Variants in SS18L1 observed in about 807,000 individuals in gnomAD.
SS18L1 encodes the protein calcium-responsive transactivator.
In SS18L1, 32 loss-of-function variants were observed where a neutral mutation model predicts 70.3. The observed-to-expected ratio is 0.46, with a 90% confidence interval of 0.34 to 0.61. The LOEUF (loss-of-function observed/expected upper bound fraction) is 0.61. Ranked by LOEUF, SS18L1 falls within the 20% of genes least tolerant of loss-of-function variation. The pLI is 0.01. For synonymous variants in SS18L1, 237 were observed against 229.7 expected (o/e 1.03, Z -0.29); for missense variants, 430 against 542.1 (o/e 0.79, Z 2.05).
intron 1 of SS18L1, chr20:62,154,570 T>TACCAA: frequency 3.0e-6 from 3 of 999,826 alleles, no homozygotes; most frequent in Non-Finnish European, 3.6e-6. Flanking sequence ...TCCCTTGGTA[T>TACCAA]GGGACACAGC....
Position 62,161,467 on chromosome 20 carries a change from G to T in SS18L1, c.263G>T (p.Gly88Val), listed in dbSNP as rs1401973388. 1.2e-6 allele frequency: 2 copies of T among 1,612,730 alleles called. No individual in the cohort carries two copies. The highest frequency in any genetic ancestry group is 2.7e-5 in the African/African-American group (2 of 74,896). ...ACGCAGAACATGAACCTGGGCCCTG[G>T]AGCCCTGACTCAGAGCGGCTCCAGC... ...PPTQNMNLGP[G>V]ALTQSGSSQG... Residue 88 changes from glycine to valine, a missense_variant, in exon 4 of 11, where the codon GGA (glycine) becomes GTA (valine). Physicochemically the swap from Gly to Val is moderately radical, Grantham distance 109. Transcript: ENST00000331758. The surrounding 1 kb of genome is among the most constrained non-coding windows in gnomAD (Gnocchi z 4.4).
Position 62,161,671 on chromosome 20 carries a change from C to T in SS18L1, c.376+91C>T. 1 of 1,493,766 alleles carries T rather than the reference C, an allele frequency of 6.7e-7. No individual in the cohort carries two copies. The highest frequency in any genetic ancestry group is 9.0e-7 in the Non-Finnish European group (1 of 1,112,712). 92.5% of individuals were successfully genotyped at this position (1,493,766 alleles called of 1,614,324 possible). On this transcript the variant is annotated intron_variant, in intron 4 of 10. Coordinates refer to ENST00000331758, the MANE Select transcript of SS18L1 (RefSeq NM_198935.3). This position sits in a 1 kb window ranked among gnomAD's most constrained non-coding sequence, Gnocchi z 4.4. ...GGCTGCCATGGTGGGGCACCCCACCCCTCACAGGGCTGGGCATGGGACCCA... is the reference window on the plus strand; with the variant it reads ...GGCTGCCATGGTGGGGCACCCCACCTCTCACAGGGCTGGGCATGGGACCCA...
intron 8 of SS18L1, among the ~76,000 whole-genome samples, 187 bp from the exon 9 acceptor site, chr20:62,172,481 ATTTCGTTTCTTAGC>A (rs11275624): frequency 0.013 from 1,949 of 152,306 alleles, 42 homozygotes; most frequent in African/African-American, 0.045. Flanking sequence ...CATATTAACC[ATTTCGTTTCTTAGC>A]TTTCCATTTG....
chr20:62,178,016 C>CT (rs770157620), intron 10 of SS18L1, among the ~76,000 whole-genome samples: 1,799 of 101,342 alleles, frequency 0.018, 81 homozygotes, highest in African/African-American at 0.048. Context: ...TGTGCCTGGC[C>CT]TTTTTTTTTT....
At chr20:62,160,921 C>T (rs1042551897) in intron 3 of SS18L1, among the ~76,000 whole-genome samples, 1 of 151,932 alleles carries the variant, frequency 6.6e-6, no homozygotes, top group Non-Finnish European at 1.5e-5. Context: ...CTGAGGGCCA[C>T]TTCACACTCA....
Position 62,146,605 on chromosome 20 carries a change from ATTTTT to A in SS18L1, c.69+2733_69+2737del, listed in dbSNP as rs10673768. Among the ~76,000 whole-genome samples, 9 of 79,714 alleles carry A rather than the reference ATTTTT, an allele frequency of 1.1e-4. 1 individual carries two copies. The highest frequency in any genetic ancestry group is 9.6e-4 in the South Asian group (2 of 2,090). 52.3% of individuals were successfully genotyped at this position (79,714 alleles called of 152,430 possible). A position where few individuals can be genotyped will look rare whatever the true frequency, so the allele number is the denominator to read the frequency against. On this transcript the variant is annotated intron_variant, in intron 1 of 10. Transcript: ENST00000331758. ...CATCCAGCGTGTCTCTGCTTTGATC[ATTTTT>A]TTTTTTTTTTTTTTTTGAGATGGAG... is the stretch of plus-strand genomic sequence containing the variant.
Position 62,159,766 on chromosome 20 carries a change from G to T in SS18L1, c.147-111G>T. 9.7e-7 allele frequency: 1 copy of T among 1,032,170 alleles called. No homozygotes were observed. Among genetic ancestry groups the T allele is most frequent in the Non-Finnish European group, 1.4e-6 (1 of 706,700 alleles). The allele number at this position is 1,032,170 out of a possible 1,614,324, so 63.9% of individuals were successfully genotyped here. On this transcript the variant is annotated intron_variant, in intron 2 of 10. Coordinates refer to ENST00000331758, the MANE Select transcript of SS18L1 (RefSeq NM_198935.3). The surrounding 1 kb of genome is among the most constrained non-coding windows in gnomAD (Gnocchi z 4.4). ...GTCATCTGGGGTCCATGTCCTCATG[G>T]GGTTTGGCTGGATGTCAGGCTGTCT...
At position 62,161,536 on chromosome 20, in the gene SS18L1, C is replaced by G. The variant is rs1018744408; in HGVS notation, c.332C>G (p.Thr111Arg). 3.1e-6 allele frequency: 5 copies of G among 1,612,354 alleles called. No individual in the cohort carries two copies. The highest frequency in any genetic ancestry group is 1.3e-5 in the African/African-American group (1 of 74,928). ...GGCAGCCTGAGTGACGCCATCAGCA[C>G]GGGCCTGCCACCCTCCTCCCTCCTG... is the stretch of plus-strand genomic sequence containing the variant. ...SQGSLSDAIS[T>R]GLPPSSLLQG... is the part of the protein sequence containing the mutation. Residue 111 changes from threonine to arginine, a missense_variant, in exon 4 of 11, where the codon ACG becomes AGG. Transcript: ENST00000331758. This position sits in a 1 kb window ranked among gnomAD's most constrained non-coding sequence, Gnocchi z 4.4.
chr20:62,176,739 GTGAGT>G (rs1568769100), intron 10 of SS18L1, among the ~76,000 whole-genome samples: 1 of 152,090 alleles, frequency 6.6e-6, no homozygotes, highest in Non-Finnish European at 1.5e-5. Flanking sequence ...GAAGGCAGAG[GTGAGT>G]TGAGATCACG....
At chr20:62,149,217 C>G (rs541718351) in intron 1 of SS18L1, among the ~76,000 whole-genome samples, 1 of 152,206 alleles carries the variant, frequency 6.6e-6, no homozygotes, top group Non-Finnish European at 1.5e-5. Context: ...AGCGGGCTGG[C>G]GCTGATGGAC....
rs1184862861 is a variant in SS18L1, at chr20:62,181,905, C to T, written c.*2697C>T. On this transcript the variant is annotated 3_prime_UTR_variant, in exon 11 of 11. Coordinates refer to ENST00000331758, the MANE Select transcript of SS18L1 (RefSeq NM_198935.3). ...AAAGGAAGACATGAAAATTGACGCT[C>T]ATTCTTCTTCCTATTGTTCCCTGAC... 2.2e-5 allele frequency: 5 copies of T among 228,404 alleles called. No individual in the cohort carries two copies. The highest frequency in any genetic ancestry group is 4.3e-5 in the Non-Finnish European group (5 of 115,184). The allele number at this position is 228,404 out of a possible 1,614,324, so 14.1% of individuals were successfully genotyped here. A position where few individuals can be genotyped will look rare whatever the true frequency, so the allele number is the denominator to read the frequency against.
chr20:62,175,513 AG>A, intron 10 of SS18L1: 4 of 929,326 alleles, frequency 4.3e-6, no homozygotes, highest in Non-Finnish European at 5.1e-6. Flanking sequence ...AGCCTGAAGG[AG>A]GCTCGGTGGC....
chr20:62,150,085 C>T (rs1394705608), intron 1 of SS18L1, among the ~76,000 whole-genome samples: 12 of 152,252 alleles, frequency 7.9e-5, no homozygotes, highest in Admixed American at 7.8e-4. Flanking sequence ...TGAAATTGCA[C>T]ACACACGTCA....
Position 62,179,222 on chromosome 20 carries a change from T to A in SS18L1, c.*14T>A. ...TACCAGCAGTAAGGGACACACATTCTGGCTGGAGCCCTTGTGGTAGCGTGT... is the reference window on the plus strand; with the variant it reads ...TACCAGCAGTAAGGGACACACATTCAGGCTGGAGCCCTTGTGGTAGCGTGT... On this transcript the variant is annotated 3_prime_UTR_variant, in exon 11 of 11. Transcript: ENST00000331758. 1 of 1,614,204 alleles carries A rather than the reference T, an allele frequency of 6.2e-7. No individual in the cohort carries two copies. Among genetic ancestry groups the A allele is most frequent in the Non-Finnish European group, 8.5e-7 (1 of 1,180,014 alleles).
At chr20:62,144,534 G>T (rs1419943155) in intron 1 of SS18L1, among the ~76,000 whole-genome samples, 1 of 152,210 alleles carries the variant, frequency 6.6e-6, no homozygotes, top group Non-Finnish European at 1.5e-5. Context: ...GGAGCGCACC[G>T]CCCCCTCCGT....
At position 62,172,530 on chromosome 20, in the gene SS18L1, T is replaced by C. The variant is rs997759291; in HGVS notation, c.917-152T>C. 6.5e-6 allele frequency: 7 copies of C among 1,075,016 alleles called. No individual in the cohort carries two copies. The African/African-American group carries it at 9.4e-5, about 14-fold the overall frequency. The allele number at this position is 1,075,016 out of a possible 1,614,324, so 66.6% of individuals were successfully genotyped here. On this transcript the variant is annotated intron_variant, in intron 8 of 10. Transcript: ENST00000331758. ...GTATTTCTATAAGATAAAGGTGTAG[T>C]ATAGTATTTGAATGGTTGTGAAAAA...
rs1024656773 is a variant in SS18L1, at chr20:62,179,375, A to G, written c.*167A>G. 1.1e-5 allele frequency: 8 copies of G among 711,974 alleles called. No homozygotes were observed. The African/African-American group carries it at 1.2e-4, about 11-fold the overall frequency. The allele number at this position is 711,974 out of a possible 1,614,324, so 44.1% of individuals were successfully genotyped here. ...ATGCTGGGTATGACGCCGAGCGCAC[A>G]CCACTGGCGTGAGACAGCGCTTGGT... On this transcript the variant is annotated 3_prime_UTR_variant, in exon 11 of 11. Transcript: ENST00000331758.
In SS18L1 at chr20:62,159,986, T is replaced by TCCTTTACCCAGCAAGGACTCCGACACTG; in HGVS notation, c.231+29_231+56dup. The TCCTTTACCCAGCAAGGACTCCGACACTG allele has an allele frequency of 6.2e-7, 1 of 1,600,998 alleles. No individual in the cohort carries two copies. Among genetic ancestry groups the TCCTTTACCCAGCAAGGACTCCGACACTG allele is most frequent in the Non-Finnish European group, 8.5e-7 (1 of 1,174,430 alleles). ...CGTGAGTACCCACGGGGGGTTGGCCTCCTTTACCCAGCAAGGACTCCGACA... is the reference window on the plus strand; with the variant it reads ...CGTGAGTACCCACGGGGGGTTGGCCTCCTTTACCCAGCAAGGACTCCGACACTGCCTTTACCCAGCAAGGACTCCGACA... On this transcript the variant is annotated intron_variant, in intron 3 of 10. Coordinates refer to ENST00000331758, the MANE Select transcript of SS18L1 (RefSeq NM_198935.3). The surrounding 1 kb of genome is among the most constrained non-coding windows in gnomAD (Gnocchi z 4.4).
At chr20:62,163,680 C>T (rs1409305053) in intron 6 of SS18L1, 58 bp downstream of exon 6, 20 of 1,474,602 alleles carry the variant, frequency 1.4e-5, no homozygotes, top group Non-Finnish European at 1.6e-5. Context: ...TCGTGAAGTG[C>T]CAGGCTGTGT....
Sources: allele counts gnomAD v4.1 joint callset (sites outside exome capture counted in the v4.1 genomes callset), GRCh38; gene constraint gnomAD v4.1.1; non-coding constraint Gnocchi (gnomAD v3.1); transcripts MANE v1.5; gene names NCBI Gene and HGNC (gene_info 2026-07-23, HGNC 2026-07-21).